Variants in CNBD1 observed in about 807,000 individuals in gnomAD.
CNBD1 encodes the protein cyclic nucleotide binding domain containing 1, also known as cyclic nucleotide-binding domain-containing protein 1.
A neutral mutation model predicts 54.4 loss-of-function variants in CNBD1; 71 were observed. That is an observed-to-expected ratio of 1.30 (90% CI 1.08 to 1.59). The LOEUF (loss-of-function observed/expected upper bound fraction) is 1.59. CNBD1 is among the 40% of genes most tolerant of loss of function. The probability of loss-of-function intolerance (pLI) is 0.00; values close to 1 mark genes in which losing one functional copy is unlikely to be tolerated. For synonymous variants in CNBD1, 182 were observed against 170.7 expected (o/e 1.07, Z -0.51); for missense variants, 659 against 518.0 (o/e 1.27, Z -2.64).
intron 8 of CNBD1, among the ~76,000 whole-genome samples, chr8:87,312,938 G>A (rs1040448113): frequency 6.6e-6 from 1 of 151,974 alleles, no homozygotes; most frequent in Non-Finnish European, 1.5e-5. Context: ...GCATTTACAT[G>A]CAGTTAGTAT....
At chr8:87,099,045 A>C (rs1212473093) in intron 4 of CNBD1, among the ~76,000 whole-genome samples, 3 of 150,602 alleles carry the variant, frequency 2.0e-5, no homozygotes, top group South Asian at 2.1e-4. Context: ...AAAAAAAAAA[A>C]AAAAAAAAAA....
At chr8:87,142,252 G>A (rs1277264659) in intron 4 of CNBD1, among the ~76,000 whole-genome samples, 1 of 152,112 alleles carries the variant, frequency 6.6e-6, no homozygotes, top group Non-Finnish European at 1.5e-5. Context: ...TTGGAGATGA[G>A]TAAAATTCTG....
intron 6 of CNBD1, among the ~76,000 whole-genome samples, chr8:87,259,892 G>T (rs192619034): frequency 9.9e-5 from 15 of 152,214 alleles, no homozygotes; most frequent in Admixed American, 5.9e-4. Flanking sequence ...CCTGACTTTA[G>T]ATAGGCCAAA....
chr8:87,305,263 T>G (rs757494540), intron 8 of CNBD1, among the ~76,000 whole-genome samples: 19 of 151,996 alleles, frequency 1.3e-4, no homozygotes, highest in Admixed American at 2.6e-4. Context: ...ATAGGTGACA[T>G]GAACAAATGG....
chr8:87,415,519 C>A (rs1807820419), intron 2 of CNBD1, among the ~76,000 whole-genome samples: 1 of 151,946 alleles, frequency 6.6e-6, no homozygotes, highest in South Asian at 2.1e-4. Context: ...TTCTTTGAGC[C>A]TCATCATGAC....
At chr8:87,310,189 T>C (rs905844786) in intron 8 of CNBD1, among the ~76,000 whole-genome samples, 3 of 151,964 alleles carry the variant, frequency 2.0e-5, no homozygotes, top group Non-Finnish European at 2.9e-5. Context: ...ACTCCATCTC[T>C]ACAAAAAAGT....
intron 4 of CNBD1, among the ~76,000 whole-genome samples, chr8:86,943,588 G>T (rs1341489882): frequency 6.6e-6 from 1 of 151,894 alleles, no homozygotes; most frequent in Non-Finnish European, 1.5e-5. Flanking sequence ...CATGGGGGTG[G>T]TGCCACCATA....
intron 8 of CNBD1, among the ~76,000 whole-genome samples, chr8:87,348,901 T>A (rs1000212708): frequency 3.3e-5 from 5 of 152,202 alleles, no homozygotes; most frequent in Admixed American, 2.0e-4. Flanking sequence ...ATGTTTAATT[T>A]CTGTGAATCC....
intron 6 of CNBD1, among the ~76,000 whole-genome samples, chr8:87,267,170 A>G (rs375608139): frequency 2.6e-5 from 4 of 152,204 alleles, no homozygotes; most frequent in African/African-American, 9.6e-5. Flanking sequence ...GGACAATATA[A>G]TGAAAATTAC....
intron 4 of CNBD1, among the ~76,000 whole-genome samples, chr8:87,157,688 G>A (rs991114260): frequency 6.6e-6 from 1 of 152,160 alleles, no homozygotes; most frequent in African/African-American, 2.4e-5. Context: ...TGCCAAACAA[G>A]CTCAGGCAGG....
chr8:87,321,824 T>C (rs1378324912), intron 8 of CNBD1, among the ~76,000 whole-genome samples: 2 of 151,346 alleles, frequency 1.3e-5, no homozygotes. Flanking sequence ...TTTTTATACT[T>C]TAAGTTTTAG....
At chr8:87,132,425 AAGAC>A (rs1314761217) in intron 4 of CNBD1, among the ~76,000 whole-genome samples, 2 of 151,268 alleles carry the variant, frequency 1.3e-5, no homozygotes, top group Non-Finnish European at 3.0e-5. Context: ...TTAAATTTAT[AAGAC>A]AGAGAAAAGA....
At chr8:87,037,627 T>C (rs935456029) in intron 4 of CNBD1, among the ~76,000 whole-genome samples, 3 of 152,180 alleles carry the variant, frequency 2.0e-5, no homozygotes, top group Admixed American at 6.5e-5. Context: ...AATTTTAAGT[T>C]CCAACAATTT....
chr8:87,201,489 C>A lies in CNBD1; in HGVS notation c.432-4504C>A, dbSNP rs146620345. ...TTGCATATAGAAAATCCAAAAGAAT[C>A]TAGTGGATTCAATTTAAATAATAAA... On this transcript the variant is annotated intron_variant, in intron 4 of 10. Coordinates refer to ENST00000518476, the MANE Select transcript of CNBD1 (RefSeq NM_173538.3). Among the ~76,000 whole-genome samples, 401 of 152,150 alleles carry A rather than the reference C, an allele frequency of 2.6e-3. 2 individuals carry two copies. Among genetic ancestry groups the A allele is most frequent in the African/African-American group, 8.9e-3 (369 of 41,524 alleles).
intron 5 of CNBD1, among the ~76,000 whole-genome samples, chr8:87,235,928 C>G (rs1462117876): frequency 6.6e-6 from 1 of 152,004 alleles, no homozygotes; most frequent in Admixed American, 6.6e-5. Context: ...CAAGAACAAC[C>G]TTTACTTTAA....
Position 87,002,244 on chromosome 8 carries a change from A to C in CNBD1, c.431+62490A>C, listed in dbSNP as rs1018378655. 3.9e-5 allele frequency among the ~76,000 whole-genome samples: 6 copies of C among 152,158 alleles called. No homozygotes were observed. In the East Asian group the frequency reaches 1.2e-3, roughly 29 times the overall value. The stretch of plus-strand genomic sequence containing the variant: ...CACTGACAAAAATTTGGGCAGGGTC[A>C]CCAGCATCTCTCTCATACTTCATTT... On this transcript the variant is annotated intron_variant, in intron 4 of 10. Coordinates refer to ENST00000518476, the MANE Select transcript of CNBD1 (RefSeq NM_173538.3).
At chr8:87,299,595 A>G (rs1808945161) in intron 8 of CNBD1, among the ~76,000 whole-genome samples, 1 of 152,158 alleles carries the variant, frequency 6.6e-6, no homozygotes, top group Non-Finnish European at 1.5e-5. Context: ...TGGATTTTGG[A>G]TTGTTAATTT....
At chr8:86,950,514 A>G (rs930234609) in intron 4 of CNBD1, among the ~76,000 whole-genome samples, 2 of 152,162 alleles carry the variant, frequency 1.3e-5, no homozygotes, top group African/African-American at 4.8e-5. Context: ...ATGATGAATG[A>G]TATTTTTAAT....
At position 87,099,065 on chromosome 8, in the gene CNBD1, A is replaced by AAAAAAAAAAAAAAAAC. The variant is rs978372704; in HGVS notation, c.432-106928_432-106927insAAAAAAAAAAAAAAAC. 4.9e-5 allele frequency among the ~76,000 whole-genome samples: 7 copies of AAAAAAAAAAAAAAAAC among 144,062 alleles called. 1 individual carries two copies. Among genetic ancestry groups the AAAAAAAAAAAAAAAAC allele is most frequent in the African/African-American group, 1.9e-4 (7 of 36,026 alleles). The allele number at this position is 144,062 out of a possible 152,430, so 94.5% of individuals were successfully genotyped here. A position where few individuals can be genotyped will look rare whatever the true frequency, so the allele number is the denominator to read the frequency against. ...AAAAAAAAAAAAAAAAAAAAACAAA[A>AAAAAAAAAAAAAAAAC]CTCCAAATTTTGACCCTTATGCTTA... On this transcript the variant is annotated intron_variant, in intron 4 of 10. Transcript: ENST00000518476.
Sources: gnomAD v4.1 joint callset for allele counts (sites outside exome capture counted in the v4.1 genomes callset) on GRCh38, gnomAD v4.1.1 for gene constraint, MANE v1.5 for transcripts, NCBI Gene and HGNC (gene_info 2026-07-23, HGNC 2026-07-21) for gene names.